SASH1: variants seen among roughly 807,000 people sequenced by gnomAD.
SASH1 encodes SAM and SH3 domain-containing protein 1.
In SASH1, 44 loss-of-function variants were observed where a neutral mutation model predicts 125.2. The ratio of observed to expected loss-of-function variants is 0.35; its 90% CI spans 0.28 to 0.45. The LOEUF (loss-of-function observed/expected upper bound fraction) is 0.45, where lower values mean the gene tolerates loss of function less well. Ranked by LOEUF, SASH1 falls within the 20% of genes least tolerant of loss-of-function variation. The probability of loss-of-function intolerance (pLI) is 1.00; values close to 1 mark genes in which losing one functional copy is unlikely to be tolerated. For missense variants in SASH1, 1,426 were observed against 1,614.5 expected (o/e 0.88, Z 2.00); for synonymous variants, 639 against 649.1 (o/e 0.98, Z 0.24).
chr6:148,544,883 G>A lies in SASH1; in HGVS notation c.3348+65G>A, dbSNP rs751990772. 17 of 1,466,094 alleles carry A rather than the reference G, an allele frequency of 1.2e-5. No homozygotes were observed. Among genetic ancestry groups the A allele is most frequent in the Non-Finnish European group, 1.5e-5 (17 of 1,101,094 alleles). 90.8% of individuals were successfully genotyped at this position (1,466,094 alleles called of 1,614,324 possible). A position where few individuals can be genotyped will look rare whatever the true frequency, so the allele number is the denominator to read the frequency against. On this transcript the variant is annotated intron_variant, in intron 18 of 19. Coordinates refer to ENST00000367467, the MANE Select transcript of SASH1 (RefSeq NM_015278.5). This position sits in a 1 kb window ranked among gnomAD's most constrained non-coding sequence, Gnocchi z 6.4. ...GTTTGTAGAAGTCAGGCAGCCAGGTGAGATGAACCCACATCTGAAGCCAGC... is the reference window on the plus strand; with the variant it reads ...GTTTGTAGAAGTCAGGCAGCCAGGTAAGATGAACCCACATCTGAAGCCAGC...
chr6:148,314,150 G>A (rs1228636743), intron 1 of SASH1, among the ~76,000 whole-genome samples: 16 of 152,132 alleles, frequency 1.1e-4, no homozygotes, highest in Non-Finnish European at 2.2e-4. Flanking sequence ...TAAACAACAT[G>A]GAGTTAGAAG....
the SASH1 span, among the ~76,000 whole-genome samples, chr6:148,234,529 G>A: frequency 6.6e-6 from 1 of 151,578 alleles, no homozygotes; most frequent in Non-Finnish European, 1.5e-5. Context: ...GTGAGGATAA[G>A]AAGAAGGAGG....
rs527394312 is a variant in SASH1, at chr6:148,480,952, A to C, written c.628-6662A>C. Among the ~76,000 whole-genome samples, 4 of 151,178 alleles carry C rather than the reference A, an allele frequency of 2.6e-5. No homozygotes were observed. The East Asian group carries it at 7.8e-4, about 29-fold the overall frequency. On this transcript the variant is annotated intron_variant, in intron 7 of 19. Transcript: ENST00000367467. ...ATCCCATCTAATGGCATTAACAGACATTTTCTAATAGCTTTATGATGGATA... is the reference window on the plus strand; with the variant it reads ...ATCCCATCTAATGGCATTAACAGACCTTTTCTAATAGCTTTATGATGGATA...
At chr6:148,546,241 G>T in intron 19 of SASH1, 95 bp downstream of exon 19, 1 of 1,432,242 alleles carries the variant, frequency 7.0e-7, no homozygotes, top group South Asian at 1.4e-5. Flanking sequence ...GCAAGGGCTT[G>T]CGTAGCTATG....
chr6:148,337,063 T>C (rs1781179676), intron 1 of SASH1, among the ~76,000 whole-genome samples: 1 of 152,136 alleles, frequency 6.6e-6, no homozygotes, highest in Admixed American at 6.6e-5. Context: ...AACAAGTTTT[T>C]GTTTTGTTTT....
At chr6:148,217,491 C>T in the SASH1 span, among the ~76,000 whole-genome samples, 2 of 152,104 alleles carry the variant, frequency 1.3e-5, no homozygotes, top group Admixed American at 1.3e-4. Flanking sequence ...GTTCTTATCC[C>T]CATTTTACAG....
intron 1 of SASH1, among the ~76,000 whole-genome samples, chr6:148,314,213 G>A (rs1780415318): frequency 6.6e-6 from 1 of 152,166 alleles, no homozygotes; most frequent in African/African-American, 2.4e-5. Context: ...AAAGCCATAT[G>A]GTGAGTGGAT....
At chr6:148,469,205 A>G (rs941366805) in intron 5 of SASH1, 5 of 152,326 alleles carry the variant, frequency 3.3e-5, no homozygotes, top group African/African-American at 1.2e-4. Context: ...TGCCGACCCA[A>G]TAGCTATCAC....
intron 9 of SASH1, 118 bp downstream of exon 9, chr6:148,514,574 A>G (rs965035893): frequency 4.8e-6 from 6 of 1,240,058 alleles, no homozygotes; most frequent in Non-Finnish European, 6.4e-6. Context: ...TGGAAAATGC[A>G]TTGAGCTCTG....
chr6:148,427,035 G>A (rs919310337), intron 2 of SASH1, among the ~76,000 whole-genome samples: 1 of 152,054 alleles, frequency 6.6e-6, no homozygotes, highest in South Asian at 2.1e-4. Context: ...TCAGCTACTC[G>A]GGTGGCTGAG....
At chr6:148,309,660 G>A (rs1461267934) in intron 1 of SASH1, among the ~76,000 whole-genome samples, 2 of 118,356 alleles carry the variant, frequency 1.7e-5, no homozygotes, top group Non-Finnish European at 3.5e-5. Context: ...ACCTTCTCAT[G>A]TTGCTTTAAA....
intron 1 of SASH1, among the ~76,000 whole-genome samples, chr6:148,327,660 G>A (rs992323504): frequency 5.3e-5 from 8 of 149,928 alleles, no homozygotes; most frequent in Non-Finnish European, 1.0e-4. Flanking sequence ...ACAAAAAGTG[G>A]CCAGGTGCAG....
intron 1 of SASH1, among the ~76,000 whole-genome samples, chr6:148,367,605 C>T (rs370355533): frequency 4.5e-4 from 68 of 152,338 alleles, no homozygotes; most frequent in African/African-American, 1.6e-3. Context: ...TGACACGCAG[C>T]CCTCCTGCCC....
chr6:148,362,735 C>G (rs1164226745), intron 1 of SASH1, among the ~76,000 whole-genome samples: 3 of 152,018 alleles, frequency 2.0e-5, no homozygotes, highest in African/African-American at 7.2e-5. Context: ...GTAGTCCCAG[C>G]TACTTGGAAG....
intron 1 of SASH1, among the ~76,000 whole-genome samples, chr6:148,309,766 T>C (rs78477460): frequency 0.025 from 3,764 of 151,900 alleles, 62 homozygotes; most frequent in Non-Finnish European, 0.035. Flanking sequence ...TTTGCCAGCA[T>C]GTTGGGTGGG....
At chr6:148,516,228 C>T in intron 9 of SASH1, among the ~76,000 whole-genome samples, 1 of 152,208 alleles carries the variant, frequency 6.6e-6, no homozygotes, top group South Asian at 2.1e-4. Context: ...TCCTAAGGTA[C>T]ACTCTGGCAT....
intron 2 of SASH1, among the ~76,000 whole-genome samples, chr6:148,413,782 C>T (rs1178506245): frequency 6.6e-6 from 1 of 152,138 alleles, no homozygotes; most frequent in Non-Finnish European, 1.5e-5. Context: ...CCCCTTACCC[C>T]TCTCCCATTC....
chr6:148,308,274 G>GA (rs1780196201), intron 1 of SASH1, among the ~76,000 whole-genome samples: 4 of 149,936 alleles, frequency 2.7e-5, no homozygotes, highest in Admixed American at 1.3e-4. Flanking sequence ...TATTAAATCC[G>GA]CCCCCCCCAA....
At chr6:148,197,487 T>C in the SASH1 span, among the ~76,000 whole-genome samples, 13 of 152,200 alleles carry the variant, frequency 8.5e-5, no homozygotes, top group Admixed American at 1.3e-4. Flanking sequence ...AAGTCCTTTC[T>C]AGAAAATTCT....
Sources: gnomAD v4.1 joint callset for allele counts (sites outside exome capture counted in the v4.1 genomes callset) on GRCh38, gnomAD v4.1.1 for gene constraint, Gnocchi (gnomAD v3.1) non-coding constraint, MANE v1.5 for transcripts, NCBI Gene and HGNC (gene_info 2026-07-23, HGNC 2026-07-21) for gene names.